Variants in SLC12A9 observed in about 807,000 individuals in gnomAD.
SLC12A9 encodes solute carrier family 12 member 9, also known as CCC-interacting protein 1.
A neutral mutation model predicts 66.0 loss-of-function variants in SLC12A9; 55 were observed. That is an observed-to-expected ratio of 0.83 (90% CI 0.67 to 1.04). The LOEUF (loss-of-function observed/expected upper bound fraction) is 1.04, where lower values mean the gene tolerates loss of function less well. SLC12A9 is among the 50% of genes least tolerant of loss of function. The pLI, the probability that SLC12A9 is intolerant of heterozygous loss-of-function variation, is 0.00. For missense variants in SLC12A9, 1,061 were observed against 1,241.9 expected (o/e 0.85, Z 2.19); for synonymous variants, 577 against 569.0 (o/e 1.01, Z -0.20).
chr7:100,848,130 T>G (rs1813959148), upstream of SLC12A9, among the ~76,000 whole-genome samples: 1 of 148,890 alleles, frequency 6.7e-6, no homozygotes, highest in Non-Finnish European at 1.5e-5. Flanking sequence ...GGTAGTAGAT[T>G]GTTGGCTATA....
intron 1 of SLC12A9, among the ~76,000 whole-genome samples, chr7:100,838,381 C>T (rs530563849): frequency 6.6e-6 from 1 of 152,276 alleles, no homozygotes; most frequent in African/African-American, 2.4e-5. Context: ...CTGGAGTTGT[C>T]TGAGGAACAG....
At chr7:100,856,515 CTTT>C (rs759252930) in intron 4 of SLC12A9, 14 of 90,898 alleles carry the variant, frequency 1.5e-4, no homozygotes, top group Non-Finnish European at 2.3e-4. Flanking sequence ...GCCCCTTCTT[CTTT>C]TTTTTTTTTT....
intron 1 of SLC12A9, chr7:100,827,156 C>A: frequency 1.0e-6 from 1 of 965,106 alleles, no homozygotes; most frequent in Non-Finnish European, 1.4e-6. Context: ...GCCCTCAGCG[C>A]GGGCCCATGC....
At chr7:100,836,685 T>C (rs1316293334) in intron 1 of SLC12A9, among the ~76,000 whole-genome samples, 1 of 152,120 alleles carries the variant, frequency 6.6e-6, no homozygotes, top group Non-Finnish European at 1.5e-5. Flanking sequence ...CCCCATCAGC[T>C]GTTCTTGCAG....
chr7:100,845,584 T>G (rs1813891074), intron 1 of SLC12A9, among the ~76,000 whole-genome samples: 1 of 152,046 alleles, frequency 6.6e-6, no homozygotes, highest in African/African-American at 2.4e-5. Context: ...CTCCTGCCCT[T>G]GTGATCCACC....
Position 100,865,998 on chromosome 7 carries a change from G to T in SLC12A9, c.2138G>T (p.Arg713Leu). 6.2e-7 allele frequency: 1 copy of T among 1,612,540 alleles called. No homozygotes were observed. The highest frequency in any genetic ancestry group is 1.1e-5 in the South Asian group (1 of 91,030). ...SGALPPERLS[R>L]GSGGTSQLHH... ...GCCTTGCCCCCTGAGCGGCTGAGCC[G>T]GGGGTCTGGGGGCACCTCTCAGCTG... The change falls in exon 14 of 14, where the codon CGG becomes CTG. Residue 713 changes from arginine (R) to leucine (L), a missense_variant. By Grantham distance (102) the Arg-to-Leu change is moderately radical. Transcript: ENST00000354161.
intron 3 of SLC12A9, chr7:100,855,389 T>C: frequency 3.2e-6 from 1 of 315,360 alleles, no homozygotes; most frequent in Non-Finnish European, 6.1e-6. Context: ...CCCAAAATGC[T>C]AGGATTACAG....
At chr7:100,862,624 A>C in intron 12 of SLC12A9, 57 bp from the exon 13 acceptor site, 2 of 1,601,368 alleles carry the variant, frequency 1.2e-6, no homozygotes, top group Non-Finnish European at 1.7e-6. Context: ...TTTGGACTCT[A>C]GGAGACATTG....
rs568658398 is a variant in SLC12A9, at chr7:100,837,503, C to T, written n.228+10456C>T. 2.6e-5 allele frequency: 4 copies of T among 152,330 alleles called. No homozygotes were observed. In the East Asian group the frequency reaches 7.7e-4, roughly 29 times the overall value. 9.4% of individuals were successfully genotyped at this position (152,330 alleles called of 1,614,324 possible). ...TCATAGTCGCCGCCATCTTTCCTTCCCGGCCGTCAGTCACGTGGGCAGCAC... is the reference window on the plus strand; with the variant it reads ...TCATAGTCGCCGCCATCTTTCCTTCTCGGCCGTCAGTCACGTGGGCAGCAC... On this transcript the variant is annotated intron_variant and non_coding_transcript_variant, in intron 1 of 1. Transcript: ENST00000461016.
chr7:100,856,515 CT>C (rs759252930), intron 4 of SLC12A9: 1,275 of 90,650 alleles, frequency 0.014, no homozygotes, highest in South Asian at 0.03. Context: ...GCCCCTTCTT[CT>C]TTTTTTTTTT....
intron 1 of SLC12A9, among the ~76,000 whole-genome samples, chr7:100,842,209 T>C (rs1473546883): frequency 6.6e-6 from 1 of 152,124 alleles, no homozygotes; most frequent in Admixed American, 6.5e-5. Context: ...GAAAACCCTA[T>C]CAAACTAAAG....
chr7:100,851,074 C>G (rs1814061498), upstream of SLC12A9, among the ~76,000 whole-genome samples: 1 of 152,150 alleles, frequency 6.6e-6, no homozygotes, highest in Non-Finnish European at 1.5e-5. Flanking sequence ...CCAGGCTGGT[C>G]TGGAGCTCTT....
chr7:100,844,102 T>G (rs1813849737), intron 1 of SLC12A9, among the ~76,000 whole-genome samples: 1 of 152,154 alleles, frequency 6.6e-6, no homozygotes. Context: ...AAATTTGGAA[T>G]TTTACAGTAA....
chr7:100,843,108 G>A (rs1186893907), intron 1 of SLC12A9, among the ~76,000 whole-genome samples: 1 of 152,132 alleles, frequency 6.6e-6, no homozygotes, highest in Non-Finnish European at 1.5e-5. Flanking sequence ...TGGTATTTTG[G>A]TGGACCTTTA....
chr7:100,829,535 G>C (rs899843341), intron 1 of SLC12A9, among the ~76,000 whole-genome samples: 47 of 151,918 alleles, frequency 3.1e-4, no homozygotes, highest in Admixed American at 1.6e-3. Flanking sequence ...GCCGGTCACC[G>C]AGGGCAGGAA....
intron 3 of SLC12A9, 134 bp from the exon 4 acceptor site, chr7:100,855,572 G>A (rs954115599): frequency 2.7e-6 from 3 of 1,093,052 alleles, no homozygotes; most frequent in Non-Finnish European, 4.1e-6. Context: ...GGCACTCAGA[G>A]GATATGAGTG....
At chr7:100,860,473 C>A (rs538095012) in intron 9 of SLC12A9, 6 of 544,842 alleles carry the variant, frequency 1.1e-5, no homozygotes, top group Middle Eastern at 4.5e-4. Context: ...TTGGGGTACA[C>A]GGGCATTGTG....
intron 13 of SLC12A9, chr7:100,865,513 TAATAA>T (rs1815021086): frequency 1.2e-5 from 18 of 1,535,526 alleles, no homozygotes; most frequent in Middle Eastern, 4.2e-4. Context: ...GTCACTGAGA[TAATAA>T]AATAAATGCA....
chr7:100,866,329 T>G lies in SLC12A9; in HGVS notation c.2469T>G (p.Ser823Arg). 1 of 1,506,766 alleles carries G rather than the reference T, an allele frequency of 6.6e-7. No homozygotes were observed. Among genetic ancestry groups the G allele is most frequent in the East Asian group, 2.5e-5 (1 of 40,582 alleles). 93.3% of individuals were successfully genotyped at this position (1,506,766 alleles called of 1,614,324 possible). A position where few individuals can be genotyped will look rare whatever the true frequency, so the allele number is the denominator to read the frequency against. ...EAEEEGDFVNSGRGDAEAEAL... is the reference protein window; with the variant it reads ...EAEEEGDFVNRGRGDAEAEAL... ...AGGAGGAAGGGGACTTTGTGAACAGTGGGCGGGGAGACGCAGAGGCAGAGG... is the reference window on the plus strand; with the variant it reads ...AGGAGGAAGGGGACTTTGTGAACAGGGGGCGGGGAGACGCAGAGGCAGAGG... Residue 823 changes from serine (S) to arginine (R), a missense_variant, in exon 14 of 14, where the codon AGT becomes AGG. Coordinates refer to ENST00000354161, the MANE Select transcript of SLC12A9 (RefSeq NM_020246.4). The surrounding 1 kb of genome is among the most constrained non-coding windows in gnomAD (Gnocchi z 7.3).
Sources: allele counts gnomAD v4.1 joint callset (sites outside exome capture counted in the v4.1 genomes callset), GRCh38; gene constraint gnomAD v4.1.1; non-coding constraint Gnocchi (gnomAD v3.1); transcripts MANE v1.5; gene names NCBI Gene and HGNC (gene_info 2026-07-23, HGNC 2026-07-21).